Variants in TSPAN18 observed in about 807,000 individuals in gnomAD.
TSPAN18 encodes the protein tetraspanin-18.
Under a neutral mutation model 27.3 loss-of-function variants are expected in TSPAN18, and 14 were observed. That is an observed-to-expected ratio of 0.51 (90% confidence interval 0.34 to 0.80). The LOEUF (loss-of-function observed/expected upper bound fraction) is 0.80. Ranked by LOEUF, TSPAN18 falls within the 30% of genes least tolerant of loss-of-function variation. The probability of loss-of-function intolerance (pLI) is 0.01; values close to 1 mark genes in which losing one functional copy is unlikely to be tolerated. For missense variants in TSPAN18, 268 were observed against 323.9 expected, an observed-to-expected ratio of 0.83 and a Z score of 1.32; for synonymous variants, 143 against 136.5, an observed-to-expected ratio of 1.05 and a Z score of -0.33.
chr11:44,824,102 C>T (rs1856985670), intron 2 of TSPAN18, among the ~76,000 whole-genome samples: 1 of 152,174 alleles, frequency 6.6e-6, no homozygotes, highest in Non-Finnish European at 1.5e-5. Flanking sequence ...GCCTGCCTCG[C>T]TACCATCATT....
chr11:44,845,867 A>G (rs1196777848), intron 2 of TSPAN18, among the ~76,000 whole-genome samples: 4 of 152,246 alleles, frequency 2.6e-5, no homozygotes, highest in Admixed American at 2.6e-4. Flanking sequence ...AGGGTGAGCC[A>G]TCGCCAATGC....
intron 3 of TSPAN18, chr11:44,897,851 T>C: frequency 7.8e-7 from 1 of 1,289,392 alleles, no homozygotes; most frequent in Non-Finnish European, 1.0e-6. Flanking sequence ...CAATAGCCTC[T>C]CCCTTCTCAG....
intron 2 of TSPAN18, among the ~76,000 whole-genome samples, chr11:44,849,217 T>C (rs1374913583): frequency 1.3e-5 from 2 of 152,148 alleles, no homozygotes; most frequent in Non-Finnish European, 2.9e-5. Context: ...TGTTGGGCGT[T>C]GAGTCCCGTG....
At chr11:44,758,730 C>T (rs554166244) in intron 1 of TSPAN18, among the ~76,000 whole-genome samples, 1 of 152,314 alleles carries the variant, frequency 6.6e-6, no homozygotes, top group East Asian at 1.9e-4. Context: ...GTTGTCCACA[C>T]TTTGCAGGTG....
chr11:44,909,875 T>A lies in TSPAN18; in HGVS notation c.234T>A (p.Arg78=), dbSNP rs760059824. ...TCCTGGGCTGCTGCGGGGCCGTCCG[T>A]GAGAACAAGTGTCTGCTGCTATTTG... is the stretch of plus-strand genomic sequence containing the variant. ...LGFLGCCGAV[R]ENKCLLLFFF... is the part of the protein sequence containing the mutation. The change falls in exon 5 of 10, where the codon CGT becomes CGA. Residue 78 remains arginine, a synonymous_variant. Coordinates refer to ENST00000520358, the MANE Select transcript of TSPAN18 (RefSeq NM_130783.5). 1.2e-6 allele frequency: 2 copies of A among 1,613,354 alleles called. No homozygotes were observed. Among genetic ancestry groups the A allele is most frequent in the East Asian group, 2.2e-5 (1 of 44,844 alleles).
chr11:44,765,020 G>A (rs1252992370), intron 2 of TSPAN18, among the ~76,000 whole-genome samples: 1 of 152,182 alleles, frequency 6.6e-6, no homozygotes, highest in Non-Finnish European at 1.5e-5. Flanking sequence ...GAAAAGCCTT[G>A]GTCTGTTTCG....
chr11:44,790,050 C>T (rs941317076), intron 2 of TSPAN18, among the ~76,000 whole-genome samples: 6 of 152,212 alleles, frequency 3.9e-5, no homozygotes, highest in Non-Finnish European at 8.8e-5. Context: ...GAGTCTGAGA[C>T]CTCAGACATC....
At chr11:44,763,497 T>C (rs1855499204) in intron 1 of TSPAN18, among the ~76,000 whole-genome samples, 1 of 152,224 alleles carries the variant, frequency 6.6e-6, no homozygotes. Context: ...CCGGAGACTT[T>C]CCTTACTATT....
At chr11:44,792,429 G>C (rs1320476673) in intron 2 of TSPAN18, among the ~76,000 whole-genome samples, 1 of 152,142 alleles carries the variant, frequency 6.6e-6, no homozygotes, top group Admixed American at 6.5e-5. Flanking sequence ...AGGTGAGCGG[G>C]GGTGGCCAGG....
chr11:44,918,385 C>T (rs1385351361), intron 6 of TSPAN18, among the ~76,000 whole-genome samples: 3 of 152,088 alleles, frequency 2.0e-5, no homozygotes, highest in African/African-American at 7.2e-5. Context: ...TGTAGGAGCA[C>T]AGGGCAGACT....
intron 2 of TSPAN18, among the ~76,000 whole-genome samples, chr11:44,795,457 G>A (rs73450663): frequency 0.017 from 2,647 of 152,270 alleles, 75 homozygotes; most frequent in African/African-American, 0.061. Context: ...AAGTGGTCAT[G>A]ATGGTATCCT....
intron 3 of TSPAN18, among the ~76,000 whole-genome samples, chr11:44,882,512 G>A (rs570158071): frequency 6.6e-6 from 1 of 152,028 alleles, no homozygotes; most frequent in African/African-American, 2.4e-5. Flanking sequence ...CGGGTGCGGT[G>A]TGCTTTAAGA....
chr11:44,929,367 C>CT lies in TSPAN18; in HGVS notation c.*190dup. 1.4e-6 allele frequency: 1 copy of CT among 691,014 alleles called. No individual in the cohort carries two copies. The highest frequency in any genetic ancestry group is 2.4e-6 in the Non-Finnish European group (1 of 419,632). The allele number at this position is 691,014 out of a possible 1,614,324, so 42.8% of individuals were successfully genotyped here. ...AACAAAATGAAGACAAAAATATGGA[C>CT]TGATGTATCCTCGCCTGGACTCAGG... On this transcript the variant is annotated 3_prime_UTR_variant, in exon 10 of 10. Coordinates refer to ENST00000520358, the MANE Select transcript of TSPAN18 (RefSeq NM_130783.5).
At chr11:44,768,981 C>T (rs1022878798) in intron 2 of TSPAN18, among the ~76,000 whole-genome samples, 19 of 151,076 alleles carry the variant, frequency 1.3e-4, no homozygotes, top group African/African-American at 4.6e-4. Flanking sequence ...ACTGCAACCT[C>T]CGCCTTTCAG....
chr11:44,815,030 T>C (rs4417257), intron 2 of TSPAN18, among the ~76,000 whole-genome samples: 142,721 of 152,218 alleles, frequency 0.94, 67,638 homozygotes, highest in East Asian at 1. Flanking sequence ...GCAGAGGAAA[T>C]GGCAAGATAG....
At chr11:44,761,302 C>T (rs1463818057) in intron 1 of TSPAN18, among the ~76,000 whole-genome samples, 1 of 152,188 alleles carries the variant, frequency 6.6e-6, no homozygotes, top group Non-Finnish European at 1.5e-5. Flanking sequence ...GGACCCGTTC[C>T]TGCTCTTAGC....
intron 8 of TSPAN18, among the ~76,000 whole-genome samples, chr11:44,922,778 A>G (rs1410383159): frequency 6.6e-6 from 1 of 152,018 alleles, no homozygotes; most frequent in African/African-American, 2.4e-5. Flanking sequence ...TGGTTTGGGG[A>G]CGATCTTGCA....
intron 2 of TSPAN18, among the ~76,000 whole-genome samples, chr11:44,854,401 G>C (rs1178889772): frequency 6.6e-6 from 1 of 152,134 alleles, no homozygotes; most frequent in African/African-American, 2.4e-5. Context: ...GGTGTCCCCT[G>C]TCTGGCAGGG....
At chr11:44,862,482 A>G (rs1857923532) in intron 3 of TSPAN18, among the ~76,000 whole-genome samples, 1 of 152,036 alleles carries the variant, frequency 6.6e-6, no homozygotes, top group Non-Finnish European at 1.5e-5. Flanking sequence ...GCTCAGCACC[A>G]CCCTGCCTTA....
Sources: gnomAD v4.1 joint callset for allele counts (sites outside exome capture counted in the v4.1 genomes callset) on GRCh38, gnomAD v4.1.1 for gene constraint, MANE v1.5 for transcripts, NCBI Gene and HGNC (gene_info 2026-07-23, HGNC 2026-07-21) for gene names.